The following CSF1R variants were observed in gnomAD, a reference collection of about 807,000 sequenced individuals.
CSF1R encodes colony stimulating factor 1 receptor, also known as macrophage colony-stimulating factor 1 receptor.
Under a neutral mutation model 110.0 loss-of-function variants are expected in CSF1R, and 40 were observed. The observed-to-expected ratio is 0.36, with a 90% CI of 0.28 to 0.47. CSF1R has a LOEUF of 0.47. Ranked by LOEUF, CSF1R falls within the 20% of genes least tolerant of loss-of-function variation. The pLI is 0.99. For missense variants in CSF1R, 1,052 were observed against 1,253.0 expected, an observed-to-expected ratio of 0.84 and a Z score of 2.42; for synonymous variants, 523 against 503.4, an observed-to-expected ratio of 1.04 and a Z score of -0.52.
Position 150,053,747 on chromosome 5 carries a change from C to A in CSF1R, c.*322G>T. On this transcript the variant is annotated 3_prime_UTR_variant, in exon 21 of 21. Coordinates refer to ENST00000675795, the MANE Select transcript of CSF1R (RefSeq NM_001288705.3). ...GGACTTCATAGGCATAAAGTCAGTC[C>A]ATTTCCATGAAGATAAGGGGATTAG... 2.2e-6 allele frequency: 1 copy of A among 447,302 alleles called. No individual in the cohort carries two copies. Among genetic ancestry groups the A allele is most frequent in the Non-Finnish European group, 4.1e-6 (1 of 244,058 alleles). The allele number at this position is 447,302 out of a possible 1,614,324, so 27.7% of individuals were successfully genotyped here. A position where few individuals can be genotyped will look rare whatever the true frequency, so the allele number is the denominator to read the frequency against.
rs200147916 is a variant in CSF1R, at chr5:150,061,739, C to G, written c.1737G>C (p.Arg579=). 6.2e-7 allele frequency: 1 copy of G among 1,614,202 alleles called. No homozygotes were observed. The highest frequency in any genetic ancestry group is 8.5e-7 in the Non-Finnish European group (1 of 1,180,036). Residue 579 remains arginine (R), a synonymous_variant, in exon 11 of 21, where the codon CGG becomes CGC. Transcript: ENST00000675795. ...LPYNEKWEFP[R]NNLQFGKTLG... is the part of the protein sequence containing the mutation. ...CCATCTCACCAAACTGCAGGTTGTT[C>G]CGGGGGAACTCCCACTTCTCGTTGT...
chr5:150,054,667 G>T, intron 19 of CSF1R: 1 of 497,138 alleles, frequency 2.0e-6, no homozygotes, highest in Non-Finnish European at 3.5e-6. Context: ...GGTATCCTCA[G>T]GGTAACTGTA....
chr5:150,104,221 A>G (rs926949968), intron 1 of CSF1R, among the ~76,000 whole-genome samples: 2 of 152,202 alleles, frequency 1.3e-5, no homozygotes, highest in African/African-American at 4.8e-5. Flanking sequence ...AGGCTGGCAG[A>G]GACCCCTCTC....
At chr5:150,065,985 A>G (rs1056293494) in intron 10 of CSF1R, among the ~76,000 whole-genome samples, 2 of 152,200 alleles carry the variant, frequency 1.3e-5, no homozygotes, top group Admixed American at 6.5e-5. Flanking sequence ...TTTCAGTTCC[A>G]TGTAAGGAAG....
At chr5:150,066,367 C>T (rs1244034023) in intron 10 of CSF1R, among the ~76,000 whole-genome samples, 1 of 152,192 alleles carries the variant, frequency 6.6e-6, no homozygotes, top group East Asian at 1.9e-4. Context: ...ATCCCATAGC[C>T]AGAGCTTGGC....
At chr5:150,094,547 T>C (rs1283781442) in intron 1 of CSF1R, 4 of 1,597,830 alleles carry the variant, frequency 2.5e-6, no homozygotes, top group Admixed American at 3.3e-5. Context: ...GCAACTTCTA[T>C]GTACCTGCAG....
In CSF1R at chr5:150,070,320, A is replaced by C. The variant is rs901144154; in HGVS notation, c.1199-18T>G. ...TGGGGGGTCTGAGGAAGAAAGGAGG[A>C]GGCCCCAAGTCACACTTTCCCCGCC... On this transcript the variant is annotated intron_variant, in intron 7 of 20. Transcript: ENST00000675795. 2.5e-6 allele frequency: 4 copies of C among 1,612,082 alleles called. No individual in the cohort carries two copies. Among genetic ancestry groups the C allele is most frequent in the African/African-American group, 2.7e-5 (2 of 75,006 alleles).
intron 8 of CSF1R, 55 bp from the exon 9 acceptor site, chr5:150,070,118 C>T: frequency 1.2e-6 from 2 of 1,608,708 alleles, no homozygotes; most frequent in Non-Finnish European, 1.7e-6. Context: ...CCAGCATGTC[C>T]CTCCCACTCA....
chr5:150,073,339 C>G lies in CSF1R; in HGVS notation c.1044G>C (p.Glu348Asp). ...TGGTGGTAGCATTAGCAAGCTTGGG[C>G]TCAGGCTGGTGGTCAGAAAAGGGTC... is the stretch of plus-strand genomic sequence containing the variant. ...YLGPFSDHQP[E>D]PKLANATTKD... is the part of the protein sequence containing the mutation. Residue 348 changes from glutamate (E) to aspartate (D), a missense_variant, in exon 6 of 21, where the codon GAG (glutamate) becomes GAC (aspartate). Around this residue, in one of 5 missense-constraint regions of CSF1R, gnomAD observed 693 missense variants for 735.4 expected, o/e 0.94. Transcript: ENST00000675795. The G allele has an allele frequency of 6.2e-7, 1 of 1,613,968 alleles. No homozygotes were observed. The highest frequency in any genetic ancestry group is 8.5e-7 in the Non-Finnish European group (1 of 1,179,978).
intron 1 of CSF1R, among the ~76,000 whole-genome samples, chr5:150,109,736 A>G (rs1239920935): frequency 6.6e-6 from 1 of 152,214 alleles, no homozygotes; most frequent in Non-Finnish European, 1.5e-5. Flanking sequence ...GACATTTTAA[A>G]TGTTTATTCT....
intron 1 of CSF1R, among the ~76,000 whole-genome samples, chr5:150,111,218 C>T (rs1024256570): frequency 1.3e-5 from 2 of 152,190 alleles, no homozygotes; most frequent in African/African-American, 2.4e-5. Flanking sequence ...GTCAGGGCCC[C>T]GGCAGAAATA....
At chr5:150,068,121 T>C (rs1210696976) in intron 10 of CSF1R, 94 bp downstream of exon 10, 12 of 926,982 alleles carry the variant, frequency 1.3e-5, no homozygotes, top group Non-Finnish European at 1.9e-5. Context: ...ATGGACTGAC[T>C]GAGGAGGAGG....
chr5:150,084,632 TTAG>T (rs1445817162), intron 1 of CSF1R, among the ~76,000 whole-genome samples: 2 of 151,642 alleles, frequency 1.3e-5, no homozygotes, highest in African/African-American at 4.8e-5. Flanking sequence ...TTTGTATTTT[TTAG>T]TAGAGAGGGG....
chr5:150,080,711 C>G, intron 2 of CSF1R, 56 bp downstream of exon 2: 2 of 1,603,302 alleles, frequency 1.2e-6, no homozygotes, highest in Non-Finnish European at 1.7e-6. Context: ...TTTTAGGGCC[C>G]ATTGTAGTGG....
In CSF1R at chr5:150,086,508, G is replaced by T; in HGVS notation, c.-81C>A. On this transcript the variant is annotated 5_prime_UTR_variant, in exon 1 of 21. Coordinates refer to ENST00000675795, the MANE Select transcript of CSF1R (RefSeq NM_001288705.3). ...GAGCTCTCAGCTACTAGCTCCGCAG[G>T]GATCGGGACACTGGACACACGTTCC... 3.6e-6 allele frequency: 5 copies of T among 1,370,344 alleles called. No individual in the cohort carries two copies. The highest frequency in any genetic ancestry group is 5.1e-6 in the Non-Finnish European group (5 of 978,116). 84.9% of individuals were successfully genotyped at this position (1,370,344 alleles called of 1,614,324 possible).
intron 16 of CSF1R, 85 bp downstream of exon 16, chr5:150,057,202 G>T: frequency 1.7e-6 from 2 of 1,200,030 alleles, no homozygotes; most frequent in Middle Eastern, 2.8e-4. Context: ...ACAGGCTCCC[G>T]TTTCCTCCTC....
At chr5:150,074,822 C>T (rs1758191837) in intron 5 of CSF1R, among the ~76,000 whole-genome samples, 1 of 149,444 alleles carries the variant, frequency 6.7e-6, no homozygotes, top group South Asian at 2.1e-4. Context: ...GCTCATCCAG[C>T]CACCTCCCCT....
intron 1 of CSF1R, among the ~76,000 whole-genome samples, chr5:150,083,720 G>A (rs528907337): frequency 6.6e-6 from 1 of 152,272 alleles, no homozygotes; most frequent in Admixed American, 6.5e-5. Context: ...ACTGAGTCAT[G>A]CAAGAAGCTG....
chr5:150,103,972 G>A (rs954165969), intron 1 of CSF1R, among the ~76,000 whole-genome samples: 1 of 152,160 alleles, frequency 6.6e-6, no homozygotes, highest in Non-Finnish European at 1.5e-5. Context: ...GAATCACAGG[G>A]GTAACTGTTA....
Sources: allele counts gnomAD v4.1 joint callset (sites outside exome capture counted in the v4.1 genomes callset), GRCh38; gene constraint gnomAD v4.1.1; regional missense constraint gnomAD v4.1.1; transcripts MANE v1.5; gene names NCBI Gene and HGNC (gene_info 2026-07-23, HGNC 2026-07-21).